Variants in HOOK3 observed in about 807,000 individuals in gnomAD.
The protein encoded by HOOK3 is hook microtubule tethering protein 3.
HOOK3 carries 24 observed loss-of-function variants against 116.3 expected under a neutral mutation model. The ratio of observed to expected loss-of-function variants is 0.21; its 90% CI spans 0.15 to 0.29. The LOEUF (loss-of-function observed/expected upper bound fraction) is 0.29, where lower values mean the gene tolerates loss of function less well. Among genes scored for constraint, HOOK3 ranks in the 10% least tolerant of loss-of-function variants. HOOK3 has a pLI of 1.00. For synonymous variants in HOOK3, 275 were observed against 283.0 expected (o/e 0.97, Z 0.28); for missense variants, 632 against 830.2 (o/e 0.76, Z 2.93).
At chr8:42,980,081 G>A (rs1054097177) in intron 13 of HOOK3, among the ~76,000 whole-genome samples, 3 of 151,114 alleles carry the variant, frequency 2.0e-5, no homozygotes, top group African/African-American at 7.3e-5. Flanking sequence ...TCCTGCCTCA[G>A]CCTCCAGAGT....
At chr8:42,929,124 G>A (rs561821965) in intron 3 of HOOK3, among the ~76,000 whole-genome samples, 1 of 152,260 alleles carries the variant, frequency 6.6e-6, no homozygotes, top group South Asian at 2.1e-4. Flanking sequence ...TAAATGAATG[G>A]TAGTTGATTT....
chr8:42,949,987 A>G (rs1808308741), intron 5 of HOOK3, among the ~76,000 whole-genome samples: 1 of 152,112 alleles, frequency 6.6e-6, no homozygotes, highest in Admixed American at 6.6e-5. Flanking sequence ...TAAAGCACAG[A>G]GTTCAAAGTT....
intron 2 of HOOK3, among the ~76,000 whole-genome samples, chr8:42,920,192 A>G (rs775922452): frequency 6.6e-6 from 1 of 152,210 alleles, no homozygotes; most frequent in Admixed American, 6.5e-5. Flanking sequence ...CTTCTCCAGT[A>G]AGATTACCAC....
intron 1 of HOOK3, among the ~76,000 whole-genome samples, chr8:42,905,860 C>T (rs1807295755): frequency 6.6e-6 from 1 of 151,334 alleles, no homozygotes; most frequent in Non-Finnish European, 1.5e-5. Flanking sequence ...CCGAGGCGGG[C>T]AGATCACCTG....
chr8:43,019,167 T>C lies in HOOK3; in HGVS notation c.*669T>C, dbSNP rs1046333182. ...ATTTTTAAAACATAAATACATAAAA[T>C]TTCATTATTTCCTGCTATCTTGTTT... On this transcript the variant is annotated 3_prime_UTR_variant, in exon 22 of 22. Transcript: ENST00000307602. 2.1e-4 allele frequency: 43 copies of C among 209,700 alleles called. No homozygotes were observed. Among genetic ancestry groups the C allele is most frequent in the African/African-American group, 8.1e-4 (36 of 44,266 alleles). The allele number at this position is 209,700 out of a possible 1,614,324, so 13.0% of individuals were successfully genotyped here. A position where few individuals can be genotyped will look rare whatever the true frequency, so the allele number is the denominator to read the frequency against.
chr8:42,992,710 C>CAAAAA lies in HOOK3; in HGVS notation c.1533-4823_1533-4819dup, dbSNP rs35064772. The stretch of plus-strand genomic sequence containing the variant: ...CAGCCTGGTGACAGAGACTCCATCT[C>CAAAAA]AAAAAAAAAAAAAAAAAAAAAGAAA... On this transcript the variant is annotated intron_variant, in intron 15 of 21. Coordinates refer to ENST00000307602, the MANE Select transcript of HOOK3 (RefSeq NM_032410.4). Among the ~76,000 whole-genome samples, 44 of 56,532 alleles carry CAAAAA rather than the reference C, an allele frequency of 7.8e-4. No homozygotes were observed. In the South Asian group the frequency reaches 8.6e-3, roughly 11 times the overall value. The allele number at this position is 56,532 out of a possible 152,430, so 37.1% of individuals were successfully genotyped here.
intron 3 of HOOK3, among the ~76,000 whole-genome samples, chr8:42,927,262 G>GTTTTTTTT (rs1354079234): frequency 2.4e-5 from 3 of 124,600 alleles, no homozygotes; most frequent in African/African-American, 3.4e-5. Context: ...TTTTTTTTTG[G>GTTTTTTTT]TTTTTTTTTT....
In HOOK3 at chr8:43,003,772, A is replaced by G. The variant is rs939502162; in HGVS notation, c.1655+1631A>G. 4.6e-5 allele frequency among the ~76,000 whole-genome samples: 7 copies of G among 152,088 alleles called. No homozygotes were observed. In the East Asian group the frequency reaches 1.2e-3, roughly 25 times the overall value. On this transcript the variant is annotated intron_variant, in intron 17 of 21. Transcript: ENST00000307602. ...TGGCTGGTAACCGCCAGCAGTCCTG[A>G]TGTTTTTGGTTGTAGACAGATCACT...
chr8:42,950,451 A>G lies in HOOK3; in HGVS notation c.464A>G (p.Gln155Arg). The change falls in exon 6 of 22, where the codon CAA becomes CGA. Residue 155 changes from glutamine (Q) to arginine (R), a missense_variant. Gln to Arg is a conservative substitution (Grantham distance 43, BLOSUM62 1). This residue lies in a region of HOOK3 where 483 missense variants were observed against 648.1 expected (regional missense o/e 0.75). Coordinates refer to ENST00000307602, the MANE Select transcript of HOOK3 (RefSeq NM_032410.4). ...CAACATGTTGTCATGACAGCCATTC[A>G]AGAGGTATGTTGGAGCTTCATGCTT... ...SVQHVVMTAIQELMSKESPVS... is the reference protein window; with the variant it reads ...SVQHVVMTAIRELMSKESPVS... 6.2e-7 allele frequency: 1 copy of G among 1,605,036 alleles called. No homozygotes were observed. Among genetic ancestry groups the G allele is most frequent in the Non-Finnish European group, 8.5e-7 (1 of 1,172,450 alleles).
chr8:42,954,881 G>A (rs559944900), intron 6 of HOOK3, among the ~76,000 whole-genome samples: 24 of 152,194 alleles, frequency 1.6e-4, no homozygotes, highest in South Asian at 2.1e-4. Context: ...CTGTCACTAA[G>A]TTTGTAAATT....
At position 42,965,576 on chromosome 8, in the gene HOOK3, T is replaced by C. The variant is rs1057048408; in HGVS notation, c.780-897T>C. On this transcript the variant is annotated intron_variant, in intron 9 of 21. Coordinates refer to ENST00000307602, the MANE Select transcript of HOOK3 (RefSeq NM_032410.4). ...GAAAGACAAGAGTATGATGAAAATA[T>C]TTTGTTACGGTTTACTAAAAAGTGC... is the stretch of plus-strand genomic sequence containing the variant. 5.3e-5 allele frequency among the ~76,000 whole-genome samples: 8 copies of C among 152,184 alleles called. No individual in the cohort carries two copies. In the East Asian group the frequency reaches 5.8e-4, roughly 11 times the overall value.
intron 4 of HOOK3, among the ~76,000 whole-genome samples, chr8:42,933,306 A>G (rs1393588476): frequency 6.6e-6 from 1 of 152,242 alleles, no homozygotes; most frequent in Non-Finnish European, 1.5e-5. Flanking sequence ...AAAAATGTGT[A>G]TGTAGGTCCA....
intron 6 of HOOK3, among the ~76,000 whole-genome samples, chr8:42,952,991 C>T (rs558493871): frequency 5.1e-4 from 78 of 152,104 alleles, no homozygotes; most frequent in African/African-American, 1.8e-3. Flanking sequence ...GTTTATATTT[C>T]TAGCCGGCAG....
At chr8:42,983,420 C>T (rs555787820) in intron 14 of HOOK3, among the ~76,000 whole-genome samples, 1 of 152,044 alleles carries the variant, frequency 6.6e-6, no homozygotes, top group East Asian at 1.9e-4. Context: ...GAAATGACTC[C>T]CCATCTTAAC....
At chr8:42,915,490 G>A (rs189739484) in intron 2 of HOOK3, among the ~76,000 whole-genome samples, 25 of 152,248 alleles carry the variant, frequency 1.6e-4, no homozygotes, top group Non-Finnish European at 3.4e-4. Flanking sequence ...GGAGAGCAAT[G>A]GTGCGATTTC....
chr8:42,998,036 C>G (rs1252135274), intron 16 of HOOK3: 1 of 242,538 alleles, frequency 4.1e-6, no homozygotes, highest in African/African-American at 2.3e-5. Context: ...ACTGCCGTCC[C>G]TAGTATTGCA....
intron 19 of HOOK3, among the ~76,000 whole-genome samples, chr8:43,011,088 G>A (rs1809599994): frequency 6.6e-6 from 1 of 151,948 alleles, no homozygotes; most frequent in South Asian, 2.1e-4. Flanking sequence ...CGCCTCCCGG[G>A]TTCACGCCAT....
chr8:43,007,960 G>T (rs199703735), intron 18 of HOOK3, 31 bp downstream of exon 18: 1 of 1,276,402 alleles, frequency 7.8e-7, no homozygotes, highest in Admixed American at 1.7e-5. Flanking sequence ...TAGTTTTTAA[G>T]TGGGCTTGCT....
chr8:42,940,520 A>G (rs772344683), intron 4 of HOOK3, among the ~76,000 whole-genome samples: 4 of 150,812 alleles, frequency 2.7e-5, no homozygotes, highest in Admixed American at 6.6e-5. Flanking sequence ...GGACAGGGAC[A>G]GGGAGAGGGA....
Sources: allele counts gnomAD v4.1 joint callset (sites outside exome capture counted in the v4.1 genomes callset), GRCh38; gene constraint gnomAD v4.1.1; regional missense constraint gnomAD v4.1.1; transcripts MANE v1.5; gene names NCBI Gene and HGNC (gene_info 2026-07-23, HGNC 2026-07-21).